Variants in DKK2 observed in about 807,000 individuals in gnomAD.
The protein encoded by DKK2 is dickkopf Wnt signaling pathway inhibitor 2, also known as dickkopf-related protein 2.
DKK2 carries 11 observed loss-of-function variants against 28.1 expected under a neutral mutation model. The observed-to-expected ratio is 0.39, with a 90% CI of 0.25 to 0.65. The LOEUF (loss-of-function observed/expected upper bound fraction) is 0.65, where lower values mean the gene tolerates loss of function less well. Among genes scored for constraint, DKK2 ranks in the 30% least tolerant of loss-of-function variants. The probability of loss-of-function intolerance (pLI) is 0.47; values close to 1 mark genes in which losing one functional copy is unlikely to be tolerated. For synonymous variants in DKK2, 135 were observed against 126.5 expected (o/e 1.07, Z -0.45); for missense variants, 326 against 335.5 (o/e 0.97, Z 0.22).
intron 1 of DKK2, among the ~76,000 whole-genome samples, chr4:107,007,197 A>G (rs1265477847): frequency 2.0e-5 from 3 of 152,048 alleles, no homozygotes; most frequent in African/African-American, 7.2e-5. Context: ...GTTTGTGATG[A>G]TTTTTAAACT....
At chr4:106,956,738 T>A (rs1226752968) in intron 1 of DKK2, among the ~76,000 whole-genome samples, 1 of 151,756 alleles carries the variant, frequency 6.6e-6, no homozygotes, top group Non-Finnish European at 1.5e-5. Flanking sequence ...TTACACCTTA[T>A]ACAAAAATTA....
chr4:106,939,909 T>G (rs1218773395), intron 1 of DKK2, among the ~76,000 whole-genome samples: 3 of 152,190 alleles, frequency 2.0e-5, no homozygotes, highest in Non-Finnish European at 4.4e-5. Context: ...TAGCCATATG[T>G]AGAAAGCTGA....
chr4:107,006,937 G>A (rs973519274), intron 1 of DKK2, among the ~76,000 whole-genome samples: 5 of 151,698 alleles, frequency 3.3e-5, no homozygotes, highest in Non-Finnish European at 7.4e-5. Context: ...AATAAGTATT[G>A]TTAACACAAC....
At chr4:107,022,903 G>A (rs1318499839) in intron 1 of DKK2, among the ~76,000 whole-genome samples, 1 of 152,038 alleles carries the variant, frequency 6.6e-6, no homozygotes, top group Non-Finnish European at 1.5e-5. Context: ...TCAAATGGTT[G>A]GGTGGCGATG....
At chr4:106,986,912 T>C (rs1002660186) in intron 1 of DKK2, among the ~76,000 whole-genome samples, 1 of 152,250 alleles carries the variant, frequency 6.6e-6, no homozygotes, top group Non-Finnish European at 1.5e-5. Flanking sequence ...ATTTCATTCA[T>C]ATTCTAAAAT....
intron 1 of DKK2, among the ~76,000 whole-genome samples, chr4:107,017,561 G>A (rs1456880527): frequency 6.6e-6 from 1 of 151,704 alleles, no homozygotes; most frequent in East Asian, 1.9e-4. Context: ...ATTTAGCCAT[G>A]CTTATTATAA....
At chr4:106,961,580 C>CAG (rs1722685085) in intron 1 of DKK2, among the ~76,000 whole-genome samples, 1 of 151,904 alleles carries the variant, frequency 6.6e-6, no homozygotes, top group African/African-American at 2.4e-5. Context: ...CACACACACA[C>CAG]ACACACACAC....
chr4:106,935,242 A>T (rs1296526164), intron 1 of DKK2, among the ~76,000 whole-genome samples: 1 of 152,194 alleles, frequency 6.6e-6, no homozygotes, highest in African/African-American at 2.4e-5. Flanking sequence ...CAGTGGGCAC[A>T]GGTCAGTGGG....
chr4:106,949,836 TC>T (rs1724832287), intron 1 of DKK2, among the ~76,000 whole-genome samples: 1 of 152,198 alleles, frequency 6.6e-6, no homozygotes, highest in African/African-American at 2.4e-5. Context: ...TTTTGTTGTG[TC>T]TATCTATTAG....
intron 1 of DKK2, among the ~76,000 whole-genome samples, chr4:106,953,021 A>G (rs1293055210): frequency 1.3e-5 from 2 of 152,130 alleles, no homozygotes; most frequent in East Asian, 1.9e-4. Flanking sequence ...TCTTTTATCC[A>G]TATTTTTGAA....
chr4:106,969,863 C>T (rs1402574925), intron 1 of DKK2, among the ~76,000 whole-genome samples: 4 of 152,046 alleles, frequency 2.6e-5, no homozygotes, highest in Non-Finnish European at 5.9e-5. Context: ...ACCTTCCTCT[C>T]GGGTCAAATC....
At chr4:107,017,889 T>C (rs1310198940) in intron 1 of DKK2, among the ~76,000 whole-genome samples, 2 of 152,070 alleles carry the variant, frequency 1.3e-5, no homozygotes. Context: ...TTGCTCAATA[T>C]TTACCAATGA....
chr4:107,024,187 AATATACTG>A (rs945734655), intron 1 of DKK2, among the ~76,000 whole-genome samples: 6 of 152,118 alleles, frequency 3.9e-5, no homozygotes, highest in Non-Finnish European at 7.4e-5. Context: ...GAACCTTAAA[AATATACTG>A]ATATCTATTA....
chr4:106,966,931 CTT>C (rs1722791508), intron 1 of DKK2, among the ~76,000 whole-genome samples: 1 of 152,146 alleles, frequency 6.6e-6, no homozygotes, highest in Non-Finnish European at 1.5e-5. Flanking sequence ...CAAGATGAGA[CTT>C]GGGTGGGGAC....
chr4:106,964,915 G>GGA (rs142890361), intron 1 of DKK2, among the ~76,000 whole-genome samples: 170 of 150,146 alleles, frequency 1.1e-3, no homozygotes, highest in African/African-American at 3.7e-3. Context: ...ATGATAGATA[G>GGA]GAGAGAGAGA....
intron 1 of DKK2, among the ~76,000 whole-genome samples, chr4:106,987,254 G>T (rs1292382829): frequency 2.2e-4 from 34 of 152,144 alleles, no homozygotes; most frequent in Admixed American, 2.2e-3. Flanking sequence ...TAGTAGAGAA[G>T]AATAAACCAG....
At chr4:106,938,498 G>A (rs982547523) in intron 1 of DKK2, among the ~76,000 whole-genome samples, 14 of 152,140 alleles carry the variant, frequency 9.2e-5, no homozygotes, top group African/African-American at 3.1e-4. Context: ...ACTAAAAAGA[G>A]TCCAGGACCA....
intron 1 of DKK2, among the ~76,000 whole-genome samples, chr4:107,005,353 A>AC (rs1170399850): frequency 6.6e-6 from 1 of 151,574 alleles, no homozygotes; most frequent in Non-Finnish European, 1.5e-5. Context: ...AAAAAAAAAA[A>AC]AAAAAAAACA....
chr4:107,011,613 A>G (rs1467264146), intron 1 of DKK2, among the ~76,000 whole-genome samples: 1 of 151,524 alleles, frequency 6.6e-6, no homozygotes, highest in South Asian at 2.1e-4. Flanking sequence ...TGTATTCGAG[A>G]GTCAACATGT....
Sources: allele counts gnomAD v4.1 joint callset (sites outside exome capture counted in the v4.1 genomes callset), GRCh38; gene constraint gnomAD v4.1.1; transcripts MANE v1.5; gene names NCBI Gene and HGNC (gene_info 2026-07-23, HGNC 2026-07-21).